Variants in MGAT4C observed in about 807,000 individuals in gnomAD.
MGAT4C encodes MGAT4 family member C, also known as alpha-1,3-mannosyl-glycoprotein 4-beta-N-acetylglucosaminyltransferase C.
In MGAT4C, 19 loss-of-function variants were observed where a neutral mutation model predicts 40.1. The ratio of observed to expected loss-of-function variants is 0.47; its 90% CI spans 0.33 to 0.70. MGAT4C has a LOEUF of 0.70. MGAT4C is among the 30% of genes least tolerant of loss of function. MGAT4C has a pLI of 0.02. For synonymous variants in MGAT4C, 181 were observed against 187.1 expected, an observed-to-expected ratio of 0.97 and a Z score of 0.27; for missense variants, 491 against 563.2, an observed-to-expected ratio of 0.87 and a Z score of 1.30.
intron 1 of MGAT4C, among the ~76,000 whole-genome samples, chr12:86,826,422 C>T (rs1309039665): frequency 6.6e-6 from 1 of 151,254 alleles, no homozygotes; most frequent in Non-Finnish European, 1.5e-5. Context: ...TAGGTGTTGA[C>T]CCCATTTTAC....
intron 2 of MGAT4C, among the ~76,000 whole-genome samples, chr12:86,630,880 C>T (rs1215398968): frequency 6.6e-6 from 1 of 152,108 alleles, no homozygotes; most frequent in Non-Finnish European, 1.5e-5. Flanking sequence ...TCCTATTCAA[C>T]ATAGTGTTGG....
At chr12:86,545,075 A>G (rs1265992005) in intron 2 of MGAT4C, among the ~76,000 whole-genome samples, 2 of 152,044 alleles carry the variant, frequency 1.3e-5, no homozygotes, top group East Asian at 3.9e-4. Context: ...ATTTCTCGCT[A>G]TGGATCTAAA....
intron 2 of MGAT4C, among the ~76,000 whole-genome samples, chr12:86,699,475 G>A (rs1205916775): frequency 6.6e-6 from 1 of 152,066 alleles, no homozygotes; most frequent in Non-Finnish European, 1.5e-5. Context: ...TTAATTTGAA[G>A]TCACTTAATA....
intron 1 of MGAT4C, among the ~76,000 whole-genome samples, chr12:86,200,680 T>G (rs1309670958): frequency 1.3e-5 from 2 of 151,682 alleles, no homozygotes; most frequent in Non-Finnish European, 2.9e-5. Flanking sequence ...CAGGTTTGAC[T>G]TTTTTATGTA....
chr12:86,285,420 T>C (rs1953329368), intron 4 of MGAT4C, among the ~76,000 whole-genome samples: 1 of 152,048 alleles, frequency 6.6e-6, no homozygotes, highest in Non-Finnish European at 1.5e-5. Context: ...ATATATTTAA[T>C]ACAGAAAACT....
chr12:86,311,787 T>C (rs1954082512), intron 4 of MGAT4C, among the ~76,000 whole-genome samples: 1 of 152,222 alleles, frequency 6.6e-6, no homozygotes, highest in Non-Finnish European at 1.5e-5. Flanking sequence ...CCTGCCTCCT[T>C]CTGACCTCCA....
intron 2 of MGAT4C, among the ~76,000 whole-genome samples, chr12:86,038,959 T>G (rs1891522860): frequency 8.2e-6 from 1 of 122,174 alleles, no homozygotes; most frequent in African/African-American, 3.2e-5. Flanking sequence ...TTTGCTTGTC[T>G]GCAAAAGGTT....
chr12:86,078,990 G>A (rs1401941852), intron 1 of MGAT4C, among the ~76,000 whole-genome samples: 1 of 152,134 alleles, frequency 6.6e-6, no homozygotes, highest in Non-Finnish European at 1.5e-5. Flanking sequence ...TCATATCTTA[G>A]TTGAATTTCT....
chr12:86,204,903 T>C (rs1046825800), intron 1 of MGAT4C, among the ~76,000 whole-genome samples: 1 of 152,050 alleles, frequency 6.6e-6, no homozygotes, highest in East Asian at 1.9e-4. Context: ...AAAACAATGA[T>C]AATTCAGAGC....
intron 4 of MGAT4C, among the ~76,000 whole-genome samples, chr12:86,280,561 A>C (rs1270435907): frequency 6.6e-6 from 1 of 151,988 alleles, no homozygotes; most frequent in Admixed American, 6.6e-5. Flanking sequence ...ATGTTTCAAA[A>C]ATTTAGAATG....
rs1958957644 is a variant in MGAT4C, at chr12:86,530,211, C to T, written c.-228-94946G>A. On this transcript the variant is annotated intron_variant, in intron 2 of 7. Transcript: ENST00000548651. ...TTTGTTCCTTATAACTAGAGTCCTG[C>T]CTTGAAACCTAAACCCCTTATAATC... 3.9e-5 allele frequency among the ~76,000 whole-genome samples: 6 copies of T among 151,978 alleles called. 1 individual carries two copies. In the South Asian group the frequency reaches 8.3e-4, roughly 21 times the overall value.
chr12:86,283,833 AC>A, intron 4 of MGAT4C, among the ~76,000 whole-genome samples: 1 of 152,048 alleles, frequency 6.6e-6, no homozygotes, highest in Admixed American at 6.6e-5. Flanking sequence ...GCTTTTCTTC[AC>A]CCTGACAGTT....
chr12:86,531,577 C>T (rs991401610), intron 2 of MGAT4C, among the ~76,000 whole-genome samples: 2 of 152,006 alleles, frequency 1.3e-5, no homozygotes, highest in African/African-American at 4.8e-5. Flanking sequence ...TCAAACTTCT[C>T]AAGTTTACAA....
chr12:86,678,280 T>C lies in MGAT4C; in HGVS notation c.-229+48929A>G, dbSNP rs141722007. Among the ~76,000 whole-genome samples, 1,177 of 152,208 alleles carry C rather than the reference T, an allele frequency of 7.7e-3. 6 individuals carry two copies. The highest frequency in any genetic ancestry group is 0.027 in the Middle Eastern group (8 of 294). On this transcript the variant is annotated intron_variant, in intron 2 of 7. Transcript: ENST00000548651. ...CATGAGCCTAAGACTTATCCTTTAT[T>C]CCTCAACTTACCTTATTCCACCCCT...
chr12:85,957,731 T>A lies in MGAT4C; in HGVS notation c.*21558A>T, dbSNP rs959558765. ...AAAGAGTGAATCTAGACAGATCATA[T>A]GGTAAAAATACAAACTGAACTCCTT... is the stretch of plus-strand genomic sequence containing the variant. On this transcript the variant is annotated 3_prime_UTR_variant, in exon 5 of 5. Transcript: ENST00000611864. 4 of 149,676 alleles carry A rather than the reference T, an allele frequency of 2.7e-5. No individual in the cohort carries two copies. Among genetic ancestry groups the A allele is most frequent in the Admixed American group, 2.0e-4 (3 of 15,038 alleles). The allele number at this position is 149,676 out of a possible 1,614,324, so 9.3% of individuals were successfully genotyped here.
At chr12:86,091,446 C>T (rs1025652699) in intron 1 of MGAT4C, among the ~76,000 whole-genome samples, 6 of 151,798 alleles carry the variant, frequency 4.0e-5, no homozygotes, top group Non-Finnish European at 8.8e-5. Flanking sequence ...TAGCCAAATA[C>T]AAAAGAAAGC....
intron 1 of MGAT4C, among the ~76,000 whole-genome samples, chr12:86,191,290 A>C (rs1345409829): frequency 6.6e-6 from 1 of 152,014 alleles, no homozygotes; most frequent in East Asian, 1.9e-4. Flanking sequence ...TAAAGGTACC[A>C]ATGGCTCTAT....
chr12:86,065,842 A>G (rs1420045037), intron 1 of MGAT4C, among the ~76,000 whole-genome samples: 1 of 152,222 alleles, frequency 6.6e-6, no homozygotes, highest in Non-Finnish European at 1.5e-5. Context: ...CCTTAAGCTG[A>G]TAAGCAACTT....
At chr12:86,760,686 G>C (rs576629246) in intron 1 of MGAT4C, among the ~76,000 whole-genome samples, 2 of 152,174 alleles carry the variant, frequency 1.3e-5, no homozygotes, top group East Asian at 3.9e-4. Context: ...AGAATGTCCA[G>C]GGCATAGAAA....
Sources: allele counts gnomAD v4.1 joint callset (sites outside exome capture counted in the v4.1 genomes callset), GRCh38; gene constraint gnomAD v4.1.1; transcripts MANE v1.5; gene names NCBI Gene and HGNC (gene_info 2026-07-23, HGNC 2026-07-21).